Variants in MYO18B observed in about 807,000 individuals in gnomAD.
MYO18B encodes myosin XVIIIB.
In MYO18B, 204 loss-of-function variants were observed where a neutral mutation model predicts 273.0. The ratio of observed to expected loss-of-function variants is 0.75; its 90% CI spans 0.67 to 0.84. The LOEUF is 0.84. Among genes scored for constraint, MYO18B ranks in the 40% least tolerant of loss-of-function variants. The pLI, the probability that MYO18B is intolerant of heterozygous loss-of-function variation, is 0.00. For missense variants in MYO18B, 3,212 were observed against 3,287.6 expected, an observed-to-expected ratio of 0.98 and a Z score of 0.56; for synonymous variants, 1,330 against 1,305.7, an observed-to-expected ratio of 1.02 and a Z score of -0.40.
intron 39 of MYO18B, chr22:25,964,941 AG>A (rs1330287169): frequency 6.6e-6 from 1 of 152,248 alleles, no homozygotes; most frequent in Non-Finnish European, 1.5e-5. Context: ...TAGCGGTTCC[AG>A]CAAAATCCAA....
At chr22:26,054,757 G>A in the MYO18B span, among the ~76,000 whole-genome samples, 1 of 152,152 alleles carries the variant, frequency 6.6e-6, no homozygotes, top group Admixed American at 6.5e-5. Context: ...TAATAGAGTG[G>A]TCTAGAGCTT....
chr22:25,935,105 C>G (rs944801193), intron 34 of MYO18B, among the ~76,000 whole-genome samples: 1 of 152,118 alleles, frequency 6.6e-6, no homozygotes, highest in African/African-American at 2.4e-5. Context: ...TGCTGGCCAC[C>G]GCATGTAGAG....
chr22:25,898,584 T>A (rs2091863451), intron 29 of MYO18B, 123 bp downstream of exon 29: 1 of 1,011,106 alleles, frequency 9.9e-7, no homozygotes, highest in African/African-American at 1.6e-5. Flanking sequence ...GCTCTAATCT[T>A]CCTCCCTGTC....
At chr22:25,754,412 CTA>C (rs1244822857) in intron 1 of MYO18B, among the ~76,000 whole-genome samples, 1 of 152,044 alleles carries the variant, frequency 6.6e-6, no homozygotes, top group Non-Finnish European at 1.5e-5. Context: ...GGAATGTATT[CTA>C]TGAGACAGGT....
chr22:25,850,655 G>A (rs2090398396), intron 20 of MYO18B, among the ~76,000 whole-genome samples: 1 of 152,096 alleles, frequency 6.6e-6, no homozygotes, highest in Non-Finnish European at 1.5e-5. Context: ...GTGGCTTGCT[G>A]CAACCTCTGC....
chr22:25,910,736 T>C (rs2092139734), intron 32 of MYO18B, among the ~76,000 whole-genome samples: 1 of 152,178 alleles, frequency 6.6e-6, no homozygotes, highest in South Asian at 2.1e-4. Context: ...TTCCCCATCA[T>C]TGACCAGCCC....
rs754904095 is a variant in MYO18B, at chr22:26,026,816, A to G, written c.6842A>G (p.Tyr2281Cys). The change falls in exon 43 of 44, where the codon TAC becomes TGC. Residue 2281 changes from tyrosine (Y) to cysteine (C), a missense_variant. By Grantham distance (194) the Tyr-to-Cys change is radical (BLOSUM62 -2). Coordinates refer to ENST00000335473, the MANE Select transcript of MYO18B (RefSeq NM_032608.7). Reference protein sequence around the residue: ...GLEDWPTLPIYQTTGASTLRR... With the variant: ...GLEDWPTLPICQTTGASTLRR... Reference sequence around the variant, plus strand: ...GAGGACTGGCCCACTCTCCCCATTTACCAGACGACTGGGGCCTCCACACTA... The same window carrying G: ...GAGGACTGGCCCACTCTCCCCATTTGCCAGACGACTGGGGCCTCCACACTA... 2.5e-6 allele frequency: 4 copies of G among 1,593,928 alleles called. No homozygotes were observed. Among genetic ancestry groups the G allele is most frequent in the Admixed American group, 3.5e-5 (2 of 56,500 alleles).
chr22:25,768,879 C>T lies in MYO18B; in HGVS notation c.963C>T (p.Phe321=), dbSNP rs1353802786. The change falls in exon 4 of 44, where the codon TTC becomes TTT. Residue 321 remains phenylalanine (F), a synonymous_variant. Coordinates refer to ENST00000335473, the MANE Select transcript of MYO18B (RefSeq NM_032608.7). ...PQIPGRKWGG[F]LGRRSKWDGP... is the part of the protein sequence containing the mutation. ...TCCCTGGGAGAAAGTGGGGAGGTTT[C>T]CTGGGAAGAAGGAGTAAGTGGGACG... The T allele has an allele frequency of 9.9e-6, 16 of 1,612,902 alleles. No homozygotes were observed. The highest frequency in any genetic ancestry group is 1.3e-5 in the African/African-American group (1 of 74,892).
chr22:25,765,415 C>T (rs1194979587), intron 3 of MYO18B, among the ~76,000 whole-genome samples: 1 of 152,170 alleles, frequency 6.6e-6, no homozygotes, highest in Non-Finnish European at 1.5e-5. Flanking sequence ...TCCCATTTTG[C>T]AGGAATGGAA....
intron 39 of MYO18B, among the ~76,000 whole-genome samples, chr22:25,992,058 T>A (rs1189442115): frequency 6.6e-6 from 1 of 152,204 alleles, no homozygotes; most frequent in Non-Finnish European, 1.5e-5. Flanking sequence ...CCACTGTGCG[T>A]GGTGGTGCAG....
At chr22:26,036,390 G>C in the MYO18B span, among the ~76,000 whole-genome samples, 2 of 152,208 alleles carry the variant, frequency 1.3e-5, no homozygotes, top group Non-Finnish European at 2.9e-5. Flanking sequence ...GATAGGCACT[G>C]TGCTTGGTGA....
rs561928758 is a variant in MYO18B, at chr22:25,759,403, C to T, written c.-109-1581C>T. ...ATGGATGAAGCTGGAAACCATCATT[C>T]TCAGTAAACTAACACAGAAACAAAA... On this transcript the variant is annotated intron_variant, in intron 1 of 43. Transcript: ENST00000335473. Among the ~76,000 whole-genome samples, 5 of 151,996 alleles carry T rather than the reference C, an allele frequency of 3.3e-5. No individual in the cohort carries two copies. The South Asian group carries it at 1.0e-3, about 32-fold the overall frequency.
chr22:25,804,309 G>T (rs1039749019), intron 12 of MYO18B, among the ~76,000 whole-genome samples: 1 of 152,138 alleles, frequency 6.6e-6, no homozygotes, highest in Non-Finnish European at 1.5e-5. Context: ...GCAAGCTAAG[G>T]CAGCCACAAA....
At chr22:26,016,906 T>A (rs184224183) in intron 42 of MYO18B, among the ~76,000 whole-genome samples, 18 of 152,230 alleles carry the variant, frequency 1.2e-4, no homozygotes, top group Admixed American at 1.1e-3. Context: ...AAAGGGTGAG[T>A]GAAAATGTTT....
At chr22:25,893,965 A>G (rs2091733076) in intron 27 of MYO18B, among the ~76,000 whole-genome samples, 1 of 152,066 alleles carries the variant, frequency 6.6e-6, no homozygotes, top group African/African-American at 2.4e-5. Flanking sequence ...TATTCCACCT[A>G]TCCAACCAAC....
chr22:25,972,335 T>C (rs1377453702), intron 39 of MYO18B, among the ~76,000 whole-genome samples: 1 of 152,206 alleles, frequency 6.6e-6, no homozygotes, highest in Non-Finnish European at 1.5e-5. Context: ...AGTTGCATTA[T>C]GTATAGCTTG....
intron 3 of MYO18B, among the ~76,000 whole-genome samples, chr22:25,767,271 G>C (rs2086538390): frequency 6.6e-6 from 1 of 152,230 alleles, no homozygotes; most frequent in Non-Finnish European, 1.5e-5. Flanking sequence ...CCTGGGAAGG[G>C]AGCAGGCAGT....
chr22:25,920,551 G>C (rs1354174044), intron 33 of MYO18B, among the ~76,000 whole-genome samples: 1 of 152,144 alleles, frequency 6.6e-6, no homozygotes, highest in Admixed American at 6.5e-5. Context: ...CAAGATTCTG[G>C]GGGAAGGAAT....
intron 11 of MYO18B, among the ~76,000 whole-genome samples, chr22:25,796,666 T>C (rs2087926087): frequency 6.6e-6 from 1 of 152,054 alleles, no homozygotes; most frequent in Admixed American, 6.5e-5. Flanking sequence ...TGCCATTTCC[T>C]TTAGTGGGAA....
Sources: gnomAD v4.1 joint callset for allele counts (sites outside exome capture counted in the v4.1 genomes callset) on GRCh38, gnomAD v4.1.1 for gene constraint, MANE v1.5 for transcripts, NCBI Gene and HGNC (gene_info 2026-07-23, HGNC 2026-07-21) for gene names.